The following DOCK8 variants were observed in gnomAD, a reference collection of about 807,000 sequenced individuals.
The protein encoded by DOCK8 is dedicator of cytokinesis protein 8.
DOCK8 carries 141 observed loss-of-function variants against 245.6 expected under a neutral mutation model. The ratio of observed to expected loss-of-function variants is 0.57; its 90% CI spans 0.50 to 0.66. The LOEUF is 0.66. Ranked by LOEUF, DOCK8 falls within the 30% of genes least tolerant of loss-of-function variation. DOCK8 has a pLI of 0.00. For synonymous variants in DOCK8, 1,168 were observed against 970.2 expected, an observed-to-expected ratio of 1.20 and a Z score of -3.79; for missense variants, 2,965 against 2,603.4, an observed-to-expected ratio of 1.14 and a Z score of -3.02.
intron 1 of DOCK8, among the ~76,000 whole-genome samples, chr9:260,606 T>A (rs987694307): frequency 1.3e-5 from 2 of 152,258 alleles, no homozygotes; most frequent in African/African-American, 4.8e-5. Context: ...TATTTATACA[T>A]GTATGAGTTC....
At chr9:295,158 T>G (rs1188495017) in intron 4 of DOCK8, among the ~76,000 whole-genome samples, 1 of 150,942 alleles carries the variant, frequency 6.6e-6, no homozygotes, top group Non-Finnish European at 1.5e-5. Context: ...AGATTCTGTC[T>G]TAAAAAAAAA....
chr9:429,948 A>G, intron 36 of DOCK8, 94 bp downstream of exon 36: 1 of 1,468,496 alleles, frequency 6.8e-7, no homozygotes, highest in Non-Finnish European at 9.3e-7. Flanking sequence ...ATTTTGCAGT[A>G]TTGCAGTTTA....
intron 8 of DOCK8, among the ~76,000 whole-genome samples, chr9:326,641 C>T (rs779756736): frequency 6.6e-6 from 1 of 152,208 alleles, no homozygotes; most frequent in South Asian, 2.1e-4. Flanking sequence ...GTTTCTTTAA[C>T]CATCCAGGGT....
chr9:294,767 A>G (rs921252324), intron 4 of DOCK8, among the ~76,000 whole-genome samples: 1 of 152,238 alleles, frequency 6.6e-6, no homozygotes, highest in East Asian at 1.9e-4. Flanking sequence ...AACTCTGGTA[A>G]ATCCATACAA....
At chr9:272,244 C>A (rs974542888) in intron 2 of DOCK8, among the ~76,000 whole-genome samples, 15 of 152,162 alleles carry the variant, frequency 9.9e-5, no homozygotes, top group Non-Finnish European at 1.6e-4. Context: ...TAGAACACTT[C>A]TTTTATCCTA....
Position 465,025 on chromosome 9 carries a change from G to A in DOCK8, c.*806G>A, listed in dbSNP as rs538601525. ...TACTATCTATTTTTCTCCTCTCTGG[G>A]ACCAAGTTTCTTTTTATAAAGCAAT... On this transcript the variant is annotated 3_prime_UTR_variant, in exon 48 of 48. Transcript: ENST00000432829. 9.8e-5 allele frequency: 15 copies of A among 152,436 alleles called. No individual in the cohort carries two copies. Among genetic ancestry groups the A allele is most frequent in the Admixed American group, 7.9e-4 (12 of 15,274 alleles). The allele number at this position is 152,436 out of a possible 1,614,324, so 9.4% of individuals were successfully genotyped here.
chr9:436,190 T>C (rs1158760460), intron 39 of DOCK8, among the ~76,000 whole-genome samples: 1 of 152,226 alleles, frequency 6.6e-6, no homozygotes, highest in African/African-American at 2.4e-5. Flanking sequence ...CCTCCTTTCT[T>C]ATGGTCCTCA....
intron 1 of DOCK8, among the ~76,000 whole-genome samples, chr9:267,326 C>A (rs1258430117): frequency 6.6e-6 from 1 of 152,190 alleles, no homozygotes; most frequent in Non-Finnish European, 1.5e-5. Flanking sequence ...CCACCTCAGC[C>A]CCCTGAGTAG....
At chr9:445,468 G>A (rs2057225201) in intron 43 of DOCK8, among the ~76,000 whole-genome samples, 1 of 152,188 alleles carries the variant, frequency 6.6e-6, no homozygotes, top group Non-Finnish European at 1.5e-5. Context: ...TGTGTTTGAG[G>A]GTGGAGGTGA....
intron 1 of DOCK8, among the ~76,000 whole-genome samples, chr9:216,491 C>A (rs529934836): frequency 7.0e-6 from 1 of 141,884 alleles, no homozygotes; most frequent in East Asian, 2.1e-4. Flanking sequence ...CATGCCACTG[C>A]ATTCCAGCCT....
At chr9:442,155 C>T in intron 42 of DOCK8, 146 bp downstream of exon 42, 1 of 1,156,364 alleles carries the variant, frequency 8.6e-7, no homozygotes, top group Non-Finnish European at 1.2e-6. Flanking sequence ...TTATAAAAGG[C>T]AAAGTAGAAA....
At chr9:310,876 T>C (rs560040042) in intron 5 of DOCK8, among the ~76,000 whole-genome samples, 1 of 152,358 alleles carries the variant, frequency 6.6e-6, no homozygotes, top group Admixed American at 6.5e-5. Flanking sequence ...CACACCTTTG[T>C]GATGTTCATC....
chr9:441,555 A>G, intron 41 of DOCK8, 138 bp downstream of exon 41: 2 of 1,351,744 alleles, frequency 1.5e-6, no homozygotes, highest in Non-Finnish European at 2.1e-6. Flanking sequence ...TCAAACAGAA[A>G]AGGGCTGAAA....
At chr9:408,725 A>G (rs1027591292) in intron 28 of DOCK8, among the ~76,000 whole-genome samples, 1 of 152,280 alleles carries the variant, frequency 6.6e-6, no homozygotes, top group Non-Finnish European at 1.5e-5. Flanking sequence ...TTCTATTTTC[A>G]TTCTAGCTGG....
Position 414,905 on chromosome 9 carries a change from A to T in DOCK8, c.3654A>T (p.Leu1218Phe). ...AAATCGCCGCCCTTTACCTACCTTT[A>T]GTTGGCATCATTTTGGATGCTTTGC... ...KVKIAALYLP[L>F]VGIILDALPQ... The change falls in exon 29 of 48, where the codon TTA (leucine) becomes TTT (phenylalanine). Residue 1218 changes from leucine (L) to phenylalanine (F), a missense_variant. Leu to Phe is a conservative substitution (Grantham distance 22). Around this residue, in one of 3 missense-constraint regions of DOCK8, gnomAD observed 2,825 missense variants for 2,453.5 expected, o/e 1.15. Transcript: ENST00000432829. 1.2e-6 allele frequency: 2 copies of T among 1,614,132 alleles called. No homozygotes were observed. The highest frequency in any genetic ancestry group is 1.7e-6 in the Non-Finnish European group (2 of 1,180,030).
chr9:346,484 G>A (rs10758219), intron 14 of DOCK8, among the ~76,000 whole-genome samples: 2 of 151,716 alleles, frequency 1.3e-5, no homozygotes, highest in Non-Finnish European at 2.9e-5. Context: ...TCCCTTTAAT[G>A]GGTGATTACA....
At chr9:328,249 G>T in intron 9 of DOCK8, 78 bp downstream of exon 9, 1 of 1,509,330 alleles carries the variant, frequency 6.6e-7, no homozygotes, top group Non-Finnish European at 9.0e-7. Flanking sequence ...TGGGGTGCAC[G>T]CAATCTCAGA....
intron 46 of DOCK8, among the ~76,000 whole-genome samples, chr9:458,936 C>CT (rs1329854153): frequency 6.6e-6 from 1 of 152,164 alleles, no homozygotes; most frequent in Non-Finnish European, 1.5e-5. Context: ...GCCAGGAATC[C>CT]TTTTCTGGAG....
intron 1 of DOCK8, among the ~76,000 whole-genome samples, chr9:229,457 T>C (rs1000194326): frequency 1.3e-5 from 2 of 152,132 alleles, no homozygotes; most frequent in Non-Finnish European, 2.9e-5. Context: ...TGCTCTTAAA[T>C]CCCATAATTA....
Sources: gnomAD v4.1 joint callset for allele counts (sites outside exome capture counted in the v4.1 genomes callset) on GRCh38, gnomAD v4.1.1 for gene constraint, gnomAD v4.1.1 regional missense constraint, MANE v1.5 for transcripts, NCBI Gene and HGNC (gene_info 2026-07-23, HGNC 2026-07-21) for gene names.